ZNF701: variants seen among roughly 807,000 people sequenced by gnomAD.
The protein encoded by ZNF701 is zinc finger protein 701.
Under a neutral mutation model 7.1 loss-of-function variants are expected in ZNF701, and 6 were observed. The ratio of observed to expected loss-of-function variants is 0.84; its 90% CI spans 0.46 to 1.66. The LOEUF (loss-of-function observed/expected upper bound fraction) is 1.66. Among genes scored for constraint, ZNF701 ranks in the 40% most tolerant of loss-of-function variants. ZNF701 has a pLI of 0.01. For missense variants in ZNF701, 541 were observed against 559.2 expected, an observed-to-expected ratio of 0.97 and a Z score of 0.33; for synonymous variants, 166 against 188.2, an observed-to-expected ratio of 0.88 and a Z score of 0.97.
chr19:52,577,381 C>G (rs2059941725), intron 3 of ZNF701, among the ~76,000 whole-genome samples: 1 of 152,002 alleles, frequency 6.6e-6, no homozygotes, highest in Non-Finnish European at 1.5e-5. Context: ...CTAAGATTAC[C>G]TAGGTGCCAA....
chr19:52,574,120 G>A lies in ZNF701; in HGVS notation c.-28G>A, dbSNP rs768444600. The A allele has an allele frequency of 9.9e-6, 16 of 1,612,258 alleles. No homozygotes were observed. The highest frequency in any genetic ancestry group is 1.1e-5 in the Non-Finnish European group (13 of 1,179,302). On this transcript the variant is annotated 5_prime_UTR_variant, in exon 2 of 4. Transcript: ENST00000391785. ...TGGTACGTGAGGAAAAAACACGGAAGAGGAAGAGGAAAGCAAAGGAGTCAG... is the reference window on the plus strand; with the variant it reads ...TGGTACGTGAGGAAAAAACACGGAAAAGGAAGAGGAAAGCAAAGGAGTCAG...
At chr19:52,576,546 C>CA (rs1424513422) in intron 3 of ZNF701, among the ~76,000 whole-genome samples, 2 of 151,770 alleles carry the variant, frequency 1.3e-5, no homozygotes, top group African/African-American at 4.8e-5. Context: ...TCTCAAAAAA[C>CA]AAAAAAACAA....
At chr19:52,581,371 C>G (rs1242984912) in intron 3 of ZNF701, among the ~76,000 whole-genome samples, 2 of 152,046 alleles carry the variant, frequency 1.3e-5, no homozygotes, top group Admixed American at 6.6e-5. Context: ...AGGTGCCCAC[C>G]ACCACACCTG....
rs563875658 is a variant in ZNF701, at chr19:52,584,562, A to G, written c.*1105A>G. On this transcript the variant is annotated 3_prime_UTR_variant, in exon 4 of 4. Coordinates refer to ENST00000391785, the MANE Select transcript of ZNF701 (RefSeq NM_018260.3). ...TATAATAACAATATTGATTTTTCCA[A>G]ACCATCAATGTGGGTTGTATATATA... is the stretch of plus-strand genomic sequence containing the variant. 2 of 152,350 alleles carry G rather than the reference A, an allele frequency of 1.3e-5. No homozygotes were observed. Among genetic ancestry groups the G allele is most frequent in the Admixed American group, 6.5e-5 (1 of 15,302 alleles). The allele number at this position is 152,350 out of a possible 1,614,324, so 9.4% of individuals were successfully genotyped here. A position where few individuals can be genotyped will look rare whatever the true frequency, so the allele number is the denominator to read the frequency against.
chr19:52,597,080 CAG>C, the ZNF701 span: 1 of 1,180,046 alleles, frequency 8.5e-7, no homozygotes, highest in Admixed American at 1.8e-5. Context: ...ATAATGAAGA[CAG>C]ATCTTACAAG....
intron 3 of ZNF701, among the ~76,000 whole-genome samples, chr19:52,581,312 C>A (rs571800492): frequency 6.6e-6 from 1 of 151,824 alleles, no homozygotes; most frequent in African/African-American, 2.4e-5. Context: ...CTTGGCCTCG[C>A]GGGTTCAAGC....
chr19:52,596,080 A>G, the ZNF701 span: 2 of 1,205,506 alleles, frequency 1.7e-6, no homozygotes, highest in Non-Finnish European at 2.4e-6. Context: ...CATTATTCAC[A>G]CAAATACAAG....
chr19:52,587,602 GT>G (rs771063852), downstream of ZNF701, among the ~76,000 whole-genome samples: 20 of 152,174 alleles, frequency 1.3e-4, no homozygotes, highest in Non-Finnish European at 2.2e-4. Flanking sequence ...CATGTTGCCT[GT>G]TCTGTGTGAT....
rs148975963 is a variant in ZNF701 at position 52,580,921 on chromosome 19, T to G, written c.143-1281T>G. Among the ~76,000 whole-genome samples the G allele has an allele frequency of 7.6e-3, 611 of 79,886 alleles. 3 individuals carry two copies. The highest frequency in any genetic ancestry group is 0.014 in the African/African-American group (495 of 34,278). 52.4% of individuals were successfully genotyped at this position (79,886 alleles called of 152,430 possible). On this transcript the variant is annotated intron_variant, in intron 3 of 3. Transcript: ENST00000391785. The stretch of plus-strand genomic sequence containing the variant: ...TGTGGATCACCTGAGGTCAGGTGTT[T>G]GAGACAAACCTGGCCAATATGGTGA...
intron 3 of ZNF701, among the ~76,000 whole-genome samples, chr19:52,578,146 C>T (rs1322755527): frequency 2.0e-5 from 3 of 146,842 alleles, no homozygotes; most frequent in East Asian, 2.1e-4. Flanking sequence ...CCCAGCTACT[C>T]GGGAGGCTGA....
chr19:52,581,146 TA>T (rs1199479613), intron 3 of ZNF701, among the ~76,000 whole-genome samples: 1 of 151,914 alleles, frequency 6.6e-6, no homozygotes, highest in African/African-American at 2.4e-5. Flanking sequence ...ACAAAATTTT[TA>T]AAAAAAAGTC....
intron 3 of ZNF701, among the ~76,000 whole-genome samples, chr19:52,580,301 C>T (rs975857961): frequency 8.6e-5 from 13 of 152,028 alleles, no homozygotes; most frequent in Admixed American, 1.3e-4. Flanking sequence ...TTTCTGCTAA[C>T]GTATATATAC....
chr19:52,577,751 ACT>A (rs1303741146), intron 3 of ZNF701, among the ~76,000 whole-genome samples: 1 of 151,566 alleles, frequency 6.6e-6, no homozygotes, highest in African/African-American at 2.4e-5. Context: ...GTCAGGGAAC[ACT>A]CTGCTCCACC....
At position 52,586,558 on chromosome 19, in the gene ZNF701, C is replaced by T. The variant is rs1600092138; in HGVS notation, c.*3101C>T. The T allele has an allele frequency of 1.3e-5, 2 of 152,240 alleles. No individual in the cohort carries two copies. Among genetic ancestry groups the T allele is most frequent in the African/African-American group, 4.8e-5 (2 of 41,546 alleles). The allele number at this position is 152,240 out of a possible 1,614,324, so 9.4% of individuals were successfully genotyped here. The stretch of plus-strand genomic sequence containing the variant: ...GAGTGAGCCACCACACGTAGCCAGT[C>T]CTGGCATTTTGTAGAAGGATGGCCA... On this transcript the variant is annotated 3_prime_UTR_variant, in exon 4 of 4. Coordinates refer to ENST00000391785, the MANE Select transcript of ZNF701 (RefSeq NM_018260.3).
chr19:52,596,930 T>C, the ZNF701 span: 1 of 575,860 alleles, frequency 1.7e-6, no homozygotes, highest in Non-Finnish European at 3.5e-6. Flanking sequence ...ACAAGTGTAA[T>C]GAGTGGGGCA....
the ZNF701 span, chr19:52,597,882 A>G: frequency 6.0e-6 from 1 of 165,978 alleles, no homozygotes. Context: ...CTGCAGGACT[A>G]GATTCTCCGG....
intron 1 of ZNF701, 137 bp from the exon 2 acceptor site, chr19:52,573,940 A>G: frequency 1.1e-6 from 1 of 929,466 alleles, no homozygotes; most frequent in Non-Finnish European, 1.6e-6. Flanking sequence ...TCTTATAGAA[A>G]TTTATTATCC....
chr19:52,575,752 T>A lies in ZNF701; in HGVS notation c.16-143T>A, dbSNP rs772931705. ...ATAATCAAACACCACTGGGAAGACA[T>A]CATGTGGTGAAGAATCCCTTACTTG... On this transcript the variant is annotated intron_variant, in intron 2 of 3. Transcript: ENST00000391785. 3.4e-5 allele frequency: 20 copies of A among 581,944 alleles called. No individual in the cohort carries two copies. The Admixed American group carries it at 6.3e-4, about 18-fold the overall frequency. The allele number at this position is 581,944 out of a possible 1,614,324, so 36.0% of individuals were successfully genotyped here. A position where few individuals can be genotyped will look rare whatever the true frequency, so the allele number is the denominator to read the frequency against.
chr19:52,580,442 G>C (rs895123706), intron 3 of ZNF701, among the ~76,000 whole-genome samples: 41 of 151,882 alleles, frequency 2.7e-4, no homozygotes, highest in Admixed American at 7.9e-4. Flanking sequence ...GGCCAGGCTG[G>C]TGTCGAACTT....
Sources: allele counts gnomAD v4.1 joint callset (sites outside exome capture counted in the v4.1 genomes callset), GRCh38; gene constraint gnomAD v4.1.1; transcripts MANE v1.5; gene names NCBI Gene and HGNC (gene_info 2026-07-23, HGNC 2026-07-21).